Variants in CDH4 observed in about 807,000 individuals in gnomAD.
The protein encoded by CDH4 is cadherin-4.
A neutral mutation model predicts 86.0 loss-of-function variants in CDH4; 33 were observed. That is an observed-to-expected ratio of 0.38 (90% CI 0.29 to 0.51). The LOEUF (loss-of-function observed/expected upper bound fraction) is 0.51, where lower values mean the gene tolerates loss of function less well. Ranked by LOEUF, CDH4 falls within the 20% of genes least tolerant of loss-of-function variation. The pLI is 0.86. For synonymous variants in CDH4, 555 were observed against 549.4 expected (o/e 1.01, Z -0.14); for missense variants, 1,114 against 1,307.4 (o/e 0.85, Z 2.28).
chr20:61,625,768 T>C (rs1261773755), intron 2 of CDH4, among the ~76,000 whole-genome samples: 2 of 152,222 alleles, frequency 1.3e-5, no homozygotes, highest in Non-Finnish European at 2.9e-5. Context: ...CTGAGCCCCG[T>C]GTTCACCTTC....
chr20:61,862,353 G>C (rs529844179), intron 6 of CDH4, among the ~76,000 whole-genome samples: 16 of 152,350 alleles, frequency 1.1e-4, no homozygotes, highest in African/African-American at 3.6e-4. Context: ...TGACACCTCA[G>C]ACGTGTCCCA....
chr20:61,492,054 G>A (rs967787408), intron 2 of CDH4, among the ~76,000 whole-genome samples: 18 of 151,858 alleles, frequency 1.2e-4, no homozygotes, highest in African/African-American at 4.1e-4. Flanking sequence ...TGGTATTGAT[G>A]TTGCTGATGG....
intron 2 of CDH4, among the ~76,000 whole-genome samples, chr20:61,607,246 C>T (rs1375985526): frequency 6.6e-6 from 1 of 152,218 alleles, no homozygotes; most frequent in East Asian, 1.9e-4. Flanking sequence ...CCCCAGGGTG[C>T]ACTAACTGAG....
intron 6 of CDH4, among the ~76,000 whole-genome samples, chr20:61,862,809 G>A (rs758087355): frequency 6.6e-6 from 1 of 152,198 alleles, no homozygotes; most frequent in Admixed American, 6.5e-5. Context: ...TATATTATAA[G>A]TTTTGAAATT....
At chr20:61,764,005 A>G (rs531175953) in intron 3 of CDH4, among the ~76,000 whole-genome samples, 1 of 152,248 alleles carries the variant, frequency 6.6e-6, no homozygotes, top group African/African-American at 2.4e-5. Flanking sequence ...CTTGCGAGTG[A>G]TGAGGGGAGG....
intron 2 of CDH4, among the ~76,000 whole-genome samples, chr20:61,303,838 A>T (rs2084398866): frequency 6.6e-6 from 1 of 152,260 alleles, no homozygotes; most frequent in Non-Finnish European, 1.5e-5. Context: ...CAAGCTGGAA[A>T]GCGAGCCTTC....
intron 9 of CDH4, among the ~76,000 whole-genome samples, chr20:61,923,056 G>GC (rs1380891119): frequency 6.6e-6 from 1 of 152,210 alleles, no homozygotes; most frequent in Admixed American, 6.5e-5. Context: ...AACTGGTGAG[G>GC]CCCCGCTGGC....
intron 2 of CDH4, among the ~76,000 whole-genome samples, chr20:61,409,426 G>GTTA (rs1001406494): frequency 3.9e-5 from 6 of 152,216 alleles, no homozygotes; most frequent in Non-Finnish European, 8.8e-5. Context: ...TGGATCAAAT[G>GTTA]TTACCTTTTT....
At chr20:61,728,114 G>A (rs752938672) in intron 2 of CDH4, among the ~76,000 whole-genome samples, 2 of 152,120 alleles carry the variant, frequency 1.3e-5, no homozygotes, top group Non-Finnish European at 2.9e-5. Flanking sequence ...GGAGGATCCA[G>A]AGACCTCAGC....
intron 2 of CDH4, among the ~76,000 whole-genome samples, chr20:61,565,203 T>TGGTGGTGGTG (rs1568688363): frequency 3.1e-5 from 1 of 32,138 alleles, no homozygotes; most frequent in Non-Finnish European, 6.0e-5. Flanking sequence ...TTGGTGGTGG[T>TGGTGGTGGTG]CGCGGTGCTC....
chr20:61,357,669 G>A (rs767728366), intron 2 of CDH4, among the ~76,000 whole-genome samples: 1 of 152,000 alleles, frequency 6.6e-6, no homozygotes, highest in African/African-American at 2.4e-5. Context: ...TAGGTCCAGT[G>A]TTGCTAGAGC....
intron 2 of CDH4, among the ~76,000 whole-genome samples, chr20:61,716,444 T>C (rs1367026427): frequency 1.4e-5 from 2 of 147,664 alleles, no homozygotes; most frequent in African/African-American, 5.3e-5. Context: ...AGCTGGGGCT[T>C]TGGGGGCAGG....
intron 2 of CDH4, among the ~76,000 whole-genome samples, chr20:61,696,295 C>G (rs1006427757): frequency 6.6e-6 from 1 of 152,250 alleles, no homozygotes; most frequent in South Asian, 2.1e-4. Flanking sequence ...CAGGGCTGAG[C>G]CAGGGGCAGG....
intron 2 of CDH4, among the ~76,000 whole-genome samples, chr20:61,462,998 G>A (rs2085452521): frequency 6.6e-6 from 1 of 152,202 alleles, no homozygotes; most frequent in Admixed American, 6.5e-5. Context: ...ACAGAACCAG[G>A]TGGAAATAAT....
In CDH4 at chr20:61,655,597, C is replaced by T. The variant is rs7260888; in HGVS notation, c.170-87966C>T. 4.3e-3 allele frequency among the ~76,000 whole-genome samples: 662 copies of T among 152,358 alleles called. 4 individuals are homozygous for T. The highest frequency in any genetic ancestry group is 0.017 in the Middle Eastern group (5 of 294). ...GGAAGGGGAAGCAGAAGGCAGTGCC[C>T]ACCGGCCAGGAAGCTCCACTGGCCA... is the stretch of plus-strand genomic sequence containing the variant. On this transcript the variant is annotated intron_variant, in intron 2 of 15. Transcript: ENST00000614565.
intron 3 of CDH4, 98 bp from the exon 4 acceptor site, chr20:61,772,905 A>T: frequency 1.0e-6 from 1 of 994,166 alleles, no homozygotes; most frequent in Non-Finnish European, 1.4e-6. Flanking sequence ...CTTCCCTCTC[A>T]GTCTCGGGCA....
intron 2 of CDH4, among the ~76,000 whole-genome samples, chr20:61,607,303 C>T (rs1457563976): frequency 6.6e-6 from 1 of 152,190 alleles, no homozygotes; most frequent in Admixed American, 6.5e-5. Flanking sequence ...TTCATAAAAG[C>T]ACTAGGTAAT....
In CDH4 at chr20:61,582,925, C is replaced by A. The variant is rs536786757; in HGVS notation, c.170-160638C>A. ...AAGAAACTCCACACCCTTGGCTGTC[C>A]GCCTTCTGCGCCCCCATGGCCCCCG... On this transcript the variant is annotated intron_variant, in intron 2 of 15. Coordinates refer to ENST00000614565, the MANE Select transcript of CDH4 (RefSeq NM_001794.5). The surrounding 1 kb of genome is among the most constrained non-coding windows in gnomAD (Gnocchi z 4.2). 6.6e-6 allele frequency among the ~76,000 whole-genome samples: 1 copy of A among 152,080 alleles called. No homozygotes were observed. The highest frequency in any genetic ancestry group is 1.5e-5 in the Non-Finnish European group (1 of 68,024).
At chr20:61,699,674 G>T (rs930543481) in intron 2 of CDH4, among the ~76,000 whole-genome samples, 5 of 151,820 alleles carry the variant, frequency 3.3e-5, no homozygotes, top group African/African-American at 9.7e-5. Context: ...TCACTGTGTC[G>T]TTAGCGTCAA....
Sources: allele counts gnomAD v4.1 joint callset (sites outside exome capture counted in the v4.1 genomes callset), GRCh38; gene constraint gnomAD v4.1.1; non-coding constraint Gnocchi (gnomAD v3.1); transcripts MANE v1.5; gene names NCBI Gene and HGNC (gene_info 2026-07-23, HGNC 2026-07-21).